STK32B: variants seen among roughly 807,000 people sequenced by gnomAD.
STK32B encodes serine/threonine-protein kinase 32B.
In STK32B, 43 loss-of-function variants were observed where a neutral mutation model predicts 52.6. The observed-to-expected ratio is 0.82, with a 90% confidence interval of 0.64 to 1.05. The LOEUF (loss-of-function observed/expected upper bound fraction) is 1.05, where lower values mean the gene tolerates loss of function less well. Among genes scored for constraint, STK32B ranks in the 50% least tolerant of loss-of-function variants. The pLI, the probability that STK32B is intolerant of heterozygous loss-of-function variation, is 0.00. For missense variants in STK32B, 621 were observed against 534.6 expected (o/e 1.16, Z -1.59); for synonymous variants, 238 against 204.3 (o/e 1.17, Z -1.41).
chr4:5,163,604 AG>A (rs1186951686), intron 2 of STK32B, among the ~76,000 whole-genome samples: 1 of 147,174 alleles, frequency 6.8e-6, no homozygotes, highest in Non-Finnish European at 1.5e-5. Context: ...GAGATGTTGG[AG>A]GGGACAAGGT....
chr4:5,492,146 T>C (rs1011449296), intron 11 of STK32B, among the ~76,000 whole-genome samples: 2 of 152,200 alleles, frequency 1.3e-5, no homozygotes, highest in Non-Finnish European at 2.9e-5. Flanking sequence ...GGGGATGGCA[T>C]TGAATCTATA....
intron 1 of STK32B, among the ~76,000 whole-genome samples, chr4:5,060,592 A>ATACC (rs568502142): frequency 0.024 from 3,032 of 124,662 alleles, 118 homozygotes; most frequent in African/African-American, 0.073. Flanking sequence ...ATCATTGATT[A>ATACC]TACTTACGTA....
At position 5,331,370 on chromosome 4, in the gene STK32B, T is replaced by G; in HGVS notation, c.411T>G (p.Leu137=). The G allele has an allele frequency of 6.2e-7, 1 of 1,613,094 alleles. No individual in the cohort carries two copies. Among genetic ancestry groups the G allele is most frequent in the Non-Finnish European group, 8.5e-7 (1 of 1,179,488 alleles). Residue 137 remains leucine, a synonymous_variant, in exon 4 of 12, where the codon CTT becomes CTG. Transcript: ENST00000282908. ...ICELALALEY[L]QRYHIIHRDI... is the part of the protein sequence containing the mutation. ...AGCTGGCACTGGCCCTGGAGTATCT[T>G]CAGAGGTACCACATCATCCACAGGT...
chr4:5,125,239 AC>A (rs1715290414), intron 1 of STK32B, among the ~76,000 whole-genome samples: 1 of 152,138 alleles, frequency 6.6e-6, no homozygotes, highest in African/African-American at 2.4e-5. Context: ...TAAACAGAGA[AC>A]CCTGTTGATC....
intron 3 of STK32B, among the ~76,000 whole-genome samples, chr4:5,240,425 C>T (rs7654099): frequency 0.038 from 5,735 of 151,966 alleles, 164 homozygotes; most frequent in African/African-American, 0.083. Flanking sequence ...TTTATGATAC[C>T]TTTTGACATG....
intron 5 of STK32B, among the ~76,000 whole-genome samples, chr4:5,416,143 A>C (rs1473111438): frequency 6.6e-6 from 1 of 152,120 alleles, no homozygotes; most frequent in East Asian, 1.9e-4. Flanking sequence ...AAAATTTCCC[A>C]AAAAACAAGT....
At chr4:5,207,993 T>G (rs1375378146) in intron 3 of STK32B, among the ~76,000 whole-genome samples, 10 of 152,202 alleles carry the variant, frequency 6.6e-5, no homozygotes, top group African/African-American at 2.4e-4. Context: ...TGGCTGTATC[T>G]ATCAGTCAGG....
At chr4:5,077,965 G>A (rs1577053183) in intron 1 of STK32B, among the ~76,000 whole-genome samples, 1 of 152,142 alleles carries the variant, frequency 6.6e-6, no homozygotes, top group East Asian at 1.9e-4. Flanking sequence ...GTGCAATAAT[G>A]TCATTGAAAA....
chr4:5,216,937 G>T (rs1228558613), intron 3 of STK32B, among the ~76,000 whole-genome samples: 1 of 152,166 alleles, frequency 6.6e-6, no homozygotes, highest in African/African-American at 2.4e-5. Flanking sequence ...CTTGTGTATA[G>T]TGAGTGCTTG....
chr4:5,337,675 G>A (rs777481759), intron 4 of STK32B, among the ~76,000 whole-genome samples: 1 of 151,814 alleles, frequency 6.6e-6, no homozygotes, highest in African/African-American at 2.4e-5. Flanking sequence ...TATTTAGCTG[G>A]TAAAGAATCT....
the STK32B span, among the ~76,000 whole-genome samples, chr4:5,030,909 A>G: frequency 2.6e-5 from 4 of 152,248 alleles, no homozygotes; most frequent in African/African-American, 9.6e-5. Flanking sequence ...ACATCTATAC[A>G]TATACATGGA....
chr4:5,472,908 G>A (rs1476786855), intron 11 of STK32B, among the ~76,000 whole-genome samples: 1 of 152,040 alleles, frequency 6.6e-6, no homozygotes, highest in Non-Finnish European at 1.5e-5. Flanking sequence ...GGGCCATCCT[G>A]TGCCTTGCAG....
At chr4:5,182,896 A>T (rs924942557) in intron 3 of STK32B, among the ~76,000 whole-genome samples, 1 of 152,186 alleles carries the variant, frequency 6.6e-6, no homozygotes. Flanking sequence ...CTCTTGAGTG[A>T]CCAGGTGTAT....
At chr4:5,291,703 A>G (rs1728901209) in intron 3 of STK32B, among the ~76,000 whole-genome samples, 1 of 152,082 alleles carries the variant, frequency 6.6e-6, no homozygotes, top group African/African-American at 2.4e-5. Flanking sequence ...AAGTGGTGAG[A>G]GCTGGCATCC....
intron 6 of STK32B, among the ~76,000 whole-genome samples, chr4:5,432,979 G>A (rs1288086085): frequency 6.6e-6 from 1 of 152,152 alleles, no homozygotes; most frequent in Non-Finnish European, 1.5e-5. Flanking sequence ...CAGTAAGCAT[G>A]GGAGCTGAGG....
intron 11 of STK32B, among the ~76,000 whole-genome samples, chr4:5,480,950 T>C (rs1718649005): frequency 6.6e-6 from 1 of 152,210 alleles, no homozygotes; most frequent in South Asian, 2.1e-4. Flanking sequence ...CTATGGTGTA[T>C]ATGTGCCACA....
In STK32B at chr4:5,470,082, G is replaced by T. The variant is rs1327976723; in HGVS notation, c.1106+2012G>T. Among the ~76,000 whole-genome samples the T allele has an allele frequency of 1.3e-5, 2 of 152,278 alleles. No homozygotes were observed. The highest frequency in any genetic ancestry group is 3.9e-4 in the East Asian group (2 of 5,180). On this transcript the variant is annotated intron_variant, in intron 11 of 11. Coordinates refer to ENST00000282908, the MANE Select transcript of STK32B (RefSeq NM_018401.3). The surrounding 1 kb of genome is among the most constrained non-coding windows in gnomAD (Gnocchi z 4.6). ...GCAATCTCATTTCACCTTTTGCTGT[G>T]TGCCAGAACATGCTTCAATTTGGAT...
chr4:5,055,187 TCAAG>T (rs1185385452), intron 1 of STK32B, among the ~76,000 whole-genome samples: 1 of 152,014 alleles, frequency 6.6e-6, no homozygotes, highest in Non-Finnish European at 1.5e-5. Context: ...CTTCCCAGGC[TCAAG>T]GGGTCCTTCC....
chr4:5,488,188 C>T (rs578038197), intron 11 of STK32B, among the ~76,000 whole-genome samples: 27 of 152,294 alleles, frequency 1.8e-4, no homozygotes, highest in Non-Finnish European at 2.8e-4. Flanking sequence ...ATCCCAGCTA[C>T]TCAGGAGGCT....
Sources: allele counts gnomAD v4.1 joint callset (sites outside exome capture counted in the v4.1 genomes callset), GRCh38; gene constraint gnomAD v4.1.1; non-coding constraint Gnocchi (gnomAD v3.1); transcripts MANE v1.5; gene names NCBI Gene and HGNC (gene_info 2026-07-23, HGNC 2026-07-21).